Variants in PCDH11Y observed in about 807,000 individuals in gnomAD.
PCDH11Y encodes the protein protocadherin-11 Y-linked.
For missense variants in PCDH11Y, 12 were observed against 224.8 expected (o/e 0.05, Z 6.05); for synonymous variants, 9 against 83.6 (o/e 0.11, Z 4.87).
At chrY:5,108,609 T>C (rs372507486), downstream of PCDH11Y, among the ~76,000 whole-genome samples, 8 of 29,978 alleles carry the variant, frequency 2.7e-4, no homozygotes, top group African/African-American at 3.9e-4. Flanking sequence ...TAGCCGGGCG[T>C]GGTGGCGGGC....
At chrY:5,619,288 T>C in intron 4 of PCDH11Y, among the ~76,000 whole-genome samples, 1 of 32,984 alleles carries the variant, frequency 3.0e-5, no homozygotes, top group Non-Finnish European at 7.5e-5. Context: ...AGACATTCTT[T>C]GACACACAGA....
chrY:5,145,317 TA>T (rs2052855797), intron 2 of PCDH11Y, among the ~76,000 whole-genome samples: 1 of 32,972 alleles, frequency 3.0e-5, no homozygotes, highest in Non-Finnish European at 7.5e-5. Flanking sequence ...CTCCTTTGGG[TA>T]AATACTAAAG....
intron 2 of PCDH11Y, among the ~76,000 whole-genome samples, chrY:5,367,569 G>A (rs1602912687): frequency 1.5e-4 from 4 of 26,190 alleles, no homozygotes; most frequent in African/African-American, 6.0e-4. Flanking sequence ...TGTATTTTTA[G>A]TAGAGACGGG....
chrY:5,144,504 G>A (rs2052854766), intron 2 of PCDH11Y, among the ~76,000 whole-genome samples: 1 of 32,810 alleles, frequency 3.0e-5, no homozygotes, highest in South Asian at 6.8e-4. Flanking sequence ...TGACTATATG[G>A]ATTTCCAGAG....
At chrY:5,704,531 T>C (rs1602962440) in intron 4 of PCDH11Y, among the ~76,000 whole-genome samples, 9 of 28,611 alleles carry the variant, frequency 3.1e-4, no homozygotes, top group African/African-American at 7.0e-4. Flanking sequence ...CCCGGGTTCA[T>C]GCCATTCTCC....
At chrY:5,084,697 G>A (rs2052726633) in intron 1 of PCDH11Y, among the ~76,000 whole-genome samples, 1 of 31,500 alleles carries the variant, frequency 3.2e-5, no homozygotes, top group Non-Finnish European at 7.7e-5. Flanking sequence ...CCAGTGTTGG[G>A]TGCATATATA....
chrY:5,422,554 A>C (rs2124679627), intron 2 of PCDH11Y, among the ~76,000 whole-genome samples: 18 of 33,566 alleles, frequency 5.4e-4, no homozygotes, highest in African/African-American at 2.1e-3. Context: ...ACAAAGCTAT[A>C]GTGATCAGAA....
At chrY:5,059,739 A>G in intron 1 of PCDH11Y, among the ~76,000 whole-genome samples, 1 of 33,714 alleles carries the variant, frequency 3.0e-5, no homozygotes, top group Non-Finnish European at 7.4e-5. Context: ...GAGTCTTAGA[A>G]ATGCTCTAAA....
intron 2 of PCDH11Y, among the ~76,000 whole-genome samples, chrY:5,136,044 A>T: frequency 3.1e-5 from 1 of 32,476 alleles, no homozygotes; most frequent in Non-Finnish European, 7.6e-5. Flanking sequence ...TACTAAACAT[A>T]TTAACAACAA....
intron 4 of PCDH11Y, among the ~76,000 whole-genome samples, chrY:5,605,510 A>G: frequency 3.0e-5 from 1 of 33,272 alleles, no homozygotes; most frequent in Non-Finnish European, 7.4e-5. Flanking sequence ...CTGTAATTCA[A>G]TTAGTTTGAA....
chrY:5,113,359 C>T (rs2052804473), intron 2 of PCDH11Y, among the ~76,000 whole-genome samples: 1 of 34,176 alleles, frequency 2.9e-5, no homozygotes, highest in African/African-American at 1.1e-4. Flanking sequence ...TAGTTTCGTG[C>T]GTTTTATTGT....
intron 2 of PCDH11Y, among the ~76,000 whole-genome samples, chrY:5,408,641 G>A (rs2053243477): frequency 6.2e-5 from 2 of 32,505 alleles, no homozygotes; most frequent in Non-Finnish European, 7.5e-5. Flanking sequence ...GGGTTTCACC[G>A]TGTTGGCCAG....
At chrY:5,354,242 C>T in intron 2 of PCDH11Y, among the ~76,000 whole-genome samples, 1 of 32,713 alleles carries the variant, frequency 3.1e-5, no homozygotes, top group African/African-American at 1.2e-4. Context: ...GCTATATGAC[C>T]AAAAAGGTAT....
At chrY:5,336,600 CAAAAAA>C (rs764821907) in intron 2 of PCDH11Y, among the ~76,000 whole-genome samples, 1 of 4,231 alleles carries the variant, frequency 2.4e-4, no homozygotes, top group Non-Finnish European at 4.9e-4. Flanking sequence ...CCAGGCATAC[CAAAAAA>C]AAAAAAAAAA....
At chrY:5,198,996 A>G (rs2124649617) in intron 2 of PCDH11Y, among the ~76,000 whole-genome samples, 4 of 33,291 alleles carry the variant, frequency 1.2e-4, no homozygotes, top group Admixed American at 5.5e-4. Context: ...GTGGTAAGGG[A>G]TTTTGTCAAG....
chrY:5,137,542 A>G (rs1602874316), intron 2 of PCDH11Y, among the ~76,000 whole-genome samples: 98 of 32,235 alleles, frequency 3.0e-3, no homozygotes, highest in African/African-American at 0.011. Flanking sequence ...ACACATAAGG[A>G]CTCACATAAA....
intron 2 of PCDH11Y, among the ~76,000 whole-genome samples, chrY:5,121,490 G>T (rs2052818161): frequency 3.1e-5 from 1 of 32,251 alleles, no homozygotes; most frequent in Non-Finnish European, 7.6e-5. Context: ...ATTAGATTGT[G>T]TCCACCGATT....
At chrY:5,115,885 C>T (rs2052809728) in intron 2 of PCDH11Y, among the ~76,000 whole-genome samples, 3 of 29,857 alleles carry the variant, frequency 1.0e-4, no homozygotes, top group Admixed American at 3.1e-4. Context: ...GGACTACAGG[C>T]GCCCGCCACC....
At chrY:5,140,076 T>C (rs2052846762) in intron 2 of PCDH11Y, among the ~76,000 whole-genome samples, 1 of 12,562 alleles carries the variant, frequency 8.0e-5, no homozygotes, top group African/African-American at 3.5e-4. Flanking sequence ...GAACAGAACA[T>C]GTATCAGGTA....
Sources: allele counts gnomAD v4.1 joint callset (sites outside exome capture counted in the v4.1 genomes callset), GRCh38; gene constraint gnomAD v4.1.1; transcripts MANE v1.5; gene names NCBI Gene and HGNC (gene_info 2026-07-23, HGNC 2026-07-21).